TBC1D2: variants seen among roughly 807,000 people sequenced by gnomAD.
The protein encoded by TBC1D2 is TBC1 domain family member 2.
In TBC1D2, 58 loss-of-function variants were observed where a neutral mutation model predicts 91.1. The observed-to-expected ratio is 0.64, with a 90% CI of 0.52 to 0.79. The LOEUF is 0.79. TBC1D2 is among the 30% of genes least tolerant of loss of function. The probability of loss-of-function intolerance (pLI) is 0.00; values close to 1 mark genes in which losing one functional copy is unlikely to be tolerated. For missense variants in TBC1D2, 1,080 were observed against 1,208.3 expected (o/e 0.89, Z 1.57); for synonymous variants, 482 against 511.5 (o/e 0.94, Z 0.78).
Position 98,208,686 on chromosome 9 carries a change from T to C in TBC1D2, c.2132A>G (p.Tyr711Cys), listed in dbSNP as rs1588032387. ...GGCTTACCTGTTCAGGCCCTGGCAGTAGCCGATGGTGGGGTTCTGCCAGGA... is the reference window on the plus strand; with the variant it reads ...GGCTTACCTGTTCAGGCCCTGGCAGCAGCCGATGGTGGGGTTCTGCCAGGA... ...AFSWQNPTIG[Y>C]CQGLNRLAAI... Residue 711 changes from tyrosine (Y) to cysteine (C), a missense_variant, in exon 9 of 13, where the codon TAC (tyrosine) becomes TGC (cysteine). Transcript: ENST00000465784. The C allele has an allele frequency of 6.5e-7, 1 of 1,530,224 alleles. No individual in the cohort carries two copies. The highest frequency in any genetic ancestry group is 8.8e-7 in the Non-Finnish European group (1 of 1,136,630). 94.8% of individuals were successfully genotyped at this position (1,530,224 alleles called of 1,614,324 possible). A position where few individuals can be genotyped will look rare whatever the true frequency, so the allele number is the denominator to read the frequency against.
At chr9:98,212,796 G>C (rs1326823340) in intron 7 of TBC1D2, among the ~76,000 whole-genome samples, 1 of 152,122 alleles carries the variant, frequency 6.6e-6, no homozygotes, top group Non-Finnish European at 1.5e-5. Flanking sequence ...GAGCCACCAC[G>C]CCTGGCCCCA....
intron 2 of TBC1D2, among the ~76,000 whole-genome samples, chr9:98,249,270 C>T (rs61410033): frequency 0.12 from 18,811 of 152,220 alleles, 2,728 homozygotes; most frequent in African/African-American, 0.35. Flanking sequence ...GCATCCTCCT[C>T]AGGAGACTAG....
chr9:98,245,309 CT>C (rs1373439593), intron 2 of TBC1D2, among the ~76,000 whole-genome samples: 1 of 152,072 alleles, frequency 6.6e-6, no homozygotes, highest in Non-Finnish European at 1.5e-5. Flanking sequence ...TGGCTCACAC[CT>C]GTAATCCCGC....
chr9:98,228,919 G>A lies in TBC1D2; in HGVS notation c.978+33C>T. 1 of 1,601,936 alleles carries A rather than the reference G, an allele frequency of 6.2e-7. No individual in the cohort carries two copies. The highest frequency in any genetic ancestry group is 1.1e-5 in the South Asian group (1 of 90,260). On this transcript the variant is annotated intron_variant, in intron 5 of 12. Coordinates refer to ENST00000465784, the MANE Select transcript of TBC1D2 (RefSeq NM_001267571.2). This position sits in a 1 kb window ranked among gnomAD's most constrained non-coding sequence, Gnocchi z 4.0. ...GCTCCAGGAACTGGAGGGGTCCACT[G>A]GAACCTGGGGCCTCCCTGGGACCAG...
intron 7 of TBC1D2, among the ~76,000 whole-genome samples, 167 bp downstream of exon 7, chr9:98,212,941 G>A (rs1024665557): frequency 1.3e-5 from 2 of 152,160 alleles, no homozygotes; most frequent in Admixed American, 6.5e-5. Context: ...TCAATCCCCC[G>A]ACCACAGGGG....
intron 6 of TBC1D2, among the ~76,000 whole-genome samples, chr9:98,215,110 C>T (rs2417893): frequency 0.62 from 94,390 of 151,960 alleles, 29,977 homozygotes; most frequent in African/African-American, 0.76. Flanking sequence ...CTGCTGTGTG[C>T]GCCAGCCGCT....
rs185561818 is a variant in TBC1D2, at chr9:98,202,371, G to A, written c.2272-707C>T. Among the ~76,000 whole-genome samples, 12 of 152,210 alleles carry A rather than the reference G, an allele frequency of 7.9e-5. No individual in the cohort carries two copies. The East Asian group carries it at 1.4e-3, about 17-fold the overall frequency. On this transcript the variant is annotated intron_variant, in intron 10 of 12. Transcript: ENST00000465784. The stretch of plus-strand genomic sequence containing the variant: ...CTCCCTCTGTGATGACTCCATTTCA[G>A]TTTCCCCTTGCTTTTCCTGGAACTG...
chr9:98,236,503 A>C (rs992458212), intron 3 of TBC1D2, among the ~76,000 whole-genome samples: 3 of 152,054 alleles, frequency 2.0e-5, no homozygotes, highest in Non-Finnish European at 1.5e-5. Context: ...GATTACAGGC[A>C]TGAGCCACCG....
At chr9:98,229,223 C>A in intron 4 of TBC1D2, 75 bp from the exon 5 acceptor site, 3 of 1,411,348 alleles carry the variant, frequency 2.1e-6, no homozygotes, top group Non-Finnish European at 2.0e-6. Flanking sequence ...GCTTTAGAAG[C>A]ACCTGGAGGG....
chr9:98,235,936 G>A (rs1829492345), intron 3 of TBC1D2, among the ~76,000 whole-genome samples: 1 of 151,848 alleles, frequency 6.6e-6, no homozygotes, highest in Non-Finnish European at 1.5e-5. Flanking sequence ...TTGGGAGGCT[G>A]AGGCAGGAGA....
intron 8 of TBC1D2, among the ~76,000 whole-genome samples, chr9:98,209,543 G>A (rs1187340212): frequency 6.6e-6 from 1 of 152,170 alleles, no homozygotes; most frequent in Non-Finnish European, 1.5e-5. Context: ...TAAGCGCAGG[G>A]GTGGACGGGG....
At chr9:98,209,758 T>TTC (rs1828772606) in intron 8 of TBC1D2, among the ~76,000 whole-genome samples, 1 of 73,204 alleles carries the variant, frequency 1.4e-5, no homozygotes, top group Non-Finnish European at 3.3e-5. Flanking sequence ...TTCCTTCCTT[T>TTC]CCTTCCTTCC....
intron 4 of TBC1D2, among the ~76,000 whole-genome samples, chr9:98,230,703 C>A (rs913893278): frequency 6.6e-6 from 1 of 151,644 alleles, no homozygotes; most frequent in Admixed American, 6.6e-5. Context: ...GAGGCTGAGG[C>A]GGGTAGATCA....
At chr9:98,208,530 G>A (rs781339535) in intron 9 of TBC1D2, 138 bp downstream of exon 9, 15 of 780,934 alleles carry the variant, frequency 1.9e-5, no homozygotes, top group Non-Finnish European at 2.4e-5. Context: ...AGGTGGTAAT[G>A]CTCTCTCGCC....
Position 98,203,374 on chromosome 9 carries a change from C to T in TBC1D2, c.2185G>A (p.Glu729Lys). Residue 729 changes from glutamate (E) to lysine (K), a missense_variant, in exon 10 of 13, where the codon GAG becomes AAG. Transcript: ENST00000465784. ...ACCAGGCACCAGAAGGCGCTCTCCT[C>T]CTCCTCTAGGACCAGCAGGGCAATG... ...AAIALLVLEE[E>K]ESAFWCLVAI... The T allele has an allele frequency of 6.2e-7, 1 of 1,614,212 alleles. No individual in the cohort carries two copies. The highest frequency in any genetic ancestry group is 8.5e-7 in the Non-Finnish European group (1 of 1,180,044).
Position 98,209,066 on chromosome 9 carries a change from T to A in TBC1D2, c.1752A>T (p.Ala584=). ...GCAGGTGGTGGGATCGTGACTCCAA[T>A]GCCTGGATCTTGGCCAGCAGCTTCA... ...EDLKLLAKIQ[A]LESRSHHLLG... The change falls in exon 9 of 13, where the codon GCA becomes GCT. Residue 584 remains alanine, a synonymous_variant. Coordinates refer to ENST00000465784, the MANE Select transcript of TBC1D2 (RefSeq NM_001267571.2). 6.2e-7 allele frequency: 1 copy of A among 1,613,922 alleles called. No homozygotes were observed. Among genetic ancestry groups the A allele is most frequent in the South Asian group, 1.1e-5 (1 of 91,080 alleles).
chr9:98,238,597 C>T (rs1829564380), intron 3 of TBC1D2, among the ~76,000 whole-genome samples: 1 of 137,102 alleles, frequency 7.3e-6, no homozygotes, highest in Non-Finnish European at 1.5e-5. Flanking sequence ...ATTGGCCTGG[C>T]TAAAGCCTCC....
chr9:98,227,404 T>A (rs959387744), intron 5 of TBC1D2, among the ~76,000 whole-genome samples: 1 of 152,152 alleles, frequency 6.6e-6, no homozygotes, highest in African/African-American at 2.4e-5. Flanking sequence ...TAAGAACGTA[T>A]GAATAAATGA....
intron 3 of TBC1D2, among the ~76,000 whole-genome samples, chr9:98,240,662 T>A (rs1829617743): frequency 6.6e-6 from 1 of 152,128 alleles, no homozygotes. Flanking sequence ...AACTGCTCCC[T>A]CCCTGACATG....
Sources: allele counts gnomAD v4.1 joint callset (sites outside exome capture counted in the v4.1 genomes callset), GRCh38; gene constraint gnomAD v4.1.1; non-coding constraint Gnocchi (gnomAD v3.1); transcripts MANE v1.5; gene names NCBI Gene and HGNC (gene_info 2026-07-23, HGNC 2026-07-21).